Variants in HK1 observed in about 807,000 individuals in gnomAD.
The protein encoded by HK1 is hexokinase-1.
Under a neutral mutation model 91.6 loss-of-function variants are expected in HK1, and 28 were observed. That is an observed-to-expected ratio of 0.31 (90% confidence interval 0.23 to 0.42). The LOEUF (loss-of-function observed/expected upper bound fraction) is 0.42. HK1 is among the 10% of genes least tolerant of loss of function. HK1 has a pLI of 1.00. For missense variants in HK1, 770 were observed against 1,219.8 expected, an observed-to-expected ratio of 0.63 and a Z score of 5.49; for synonymous variants, 430 against 468.1, an observed-to-expected ratio of 0.92 and a Z score of 1.05.
intron 3 of HK1, chr10:69,295,567 A>G (rs1397692644): frequency 1.4e-5 from 14 of 1,030,768 alleles, no homozygotes; most frequent in Non-Finnish European, 2.0e-5. Flanking sequence ...ATAAGCATCA[A>G]TATGTTGTGA....
intron 14 of HK1, 150 bp downstream of exon 14, chr10:69,389,446 GACGAAGGCAGCAGAGTCTCT>G: frequency 3.9e-6 from 2 of 516,166 alleles, no homozygotes; most frequent in African/African-American, 2.0e-5. Context: ...TTCAGGGCTG[GACGAAGGCAGCAGAGTCTCT>G]GGCGGGGGGA....
chr10:69,324,195 C>T (rs1564512380), intron 1 of HK1, among the ~76,000 whole-genome samples: 1 of 152,178 alleles, frequency 6.6e-6, no homozygotes, highest in Non-Finnish European at 1.5e-5. Context: ...TCAATCATTT[C>T]TTTAAAAAAT....
intron 5 of HK1, among the ~76,000 whole-genome samples, chr10:69,303,563 G>T (rs1004546529): frequency 6.6e-6 from 1 of 152,176 alleles, no homozygotes; most frequent in Non-Finnish European, 1.5e-5. Flanking sequence ...CAGTAGCGGA[G>T]TCAACCCCCA....
Position 69,401,278 on chromosome 10 carries a change from A to T in HK1, c.*143A>T. ...AGGAAAGCAAAATCCAACTAATGGT[A>T]TATATTGTAGGGTACAGAATAGAGC... On this transcript the variant is annotated 3_prime_UTR_variant, in exon 18 of 18. Transcript: ENST00000359426. 5 of 861,148 alleles carry T rather than the reference A, an allele frequency of 5.8e-6. No individual in the cohort carries two copies. The highest frequency in any genetic ancestry group is 9.3e-6 in the Non-Finnish European group (5 of 535,824). The allele number at this position is 861,148 out of a possible 1,614,324, so 53.3% of individuals were successfully genotyped here. A position where few individuals can be genotyped will look rare whatever the true frequency, so the allele number is the denominator to read the frequency against.
upstream of HK1, among the ~76,000 whole-genome samples, chr10:69,314,229 G>C (rs556297785): frequency 1.8e-4 from 28 of 152,350 alleles, no homozygotes; most frequent in African/African-American, 5.5e-4. Flanking sequence ...CCCATGGAAA[G>C]CTAGGGTCTA....
chr10:69,341,027 G>A (rs868249298), intron 1 of HK1, among the ~76,000 whole-genome samples: 66 of 152,186 alleles, frequency 4.3e-4, no homozygotes, highest in Middle Eastern at 3.4e-3. Flanking sequence ...GTCTCTCCCT[G>A]CAGACCCAGG....
upstream of HK1, among the ~76,000 whole-genome samples, chr10:69,310,882 C>T (rs1333659828): frequency 6.6e-6 from 1 of 152,080 alleles, no homozygotes; most frequent in Non-Finnish European, 1.5e-5. Context: ...AATGGTGAAA[C>T]CCTGTCTCTA....
intron 1 of HK1, among the ~76,000 whole-genome samples, chr10:69,273,001 G>A (rs1589424759): frequency 1.5e-5 from 2 of 136,090 alleles, no homozygotes; most frequent in African/African-American, 2.7e-5. Context: ...CTGTGCTTCC[G>A]TTTGCATAAT....
At chr10:69,287,798 G>T (rs887198468) in intron 2 of HK1, among the ~76,000 whole-genome samples, 4 of 152,062 alleles carry the variant, frequency 2.6e-5, no homozygotes, top group Non-Finnish European at 5.9e-5. Context: ...TAAATAATGT[G>T]TACATTATAA....
At chr10:69,375,061 A>G (rs1034921726) in intron 7 of HK1, among the ~76,000 whole-genome samples, 3 of 152,128 alleles carry the variant, frequency 2.0e-5, no homozygotes, top group Non-Finnish European at 2.9e-5. Context: ...GTGGATTGCC[A>G]CTTGTTAGCC....
intron 1 of HK1, among the ~76,000 whole-genome samples, chr10:69,323,432 C>A (rs1323943266): frequency 6.6e-6 from 1 of 150,746 alleles, no homozygotes; most frequent in Non-Finnish European, 1.5e-5. Flanking sequence ...GCTCATTGAG[C>A]CCAAAAGATT....
At position 69,289,461 on chromosome 10, in the gene HK1, ATTT is replaced by A. The variant is rs67564699; in HGVS notation, c.-115+717_-115+719del. On this transcript the variant is annotated intron_variant, in intron 3 of 21. Transcript: ENST00000360289. Reference sequence around the variant, plus strand: ...GGGCTTCTGCCCATTAAAAAAAAAAATTTTTTTTTTTTTTTTTTTTTTTTTTTT... The same window carrying A: ...GGGCTTCTGCCCATTAAAAAAAAAAATTTTTTTTTTTTTTTTTTTTTTTTT... 7.3e-4 allele frequency among the ~76,000 whole-genome samples: 82 copies of A among 112,784 alleles called. No individual in the cohort carries two copies. The South Asian group carries it at 0.013, about 19-fold the overall frequency. 74.0% of individuals were successfully genotyped at this position (112,784 alleles called of 152,430 possible).
intron 3 of HK1, among the ~76,000 whole-genome samples, chr10:69,360,628 C>T (rs1380075900): frequency 1.3e-5 from 2 of 152,200 alleles, no homozygotes; most frequent in African/African-American, 4.8e-5. Context: ...TGTTGGGGCT[C>T]CCCACGCTGG....
At chr10:69,387,868 T>C (rs964254262) in intron 13 of HK1, among the ~76,000 whole-genome samples, 1 of 99,200 alleles carries the variant, frequency 1.0e-5, no homozygotes, top group Non-Finnish European at 2.0e-5. Flanking sequence ...TAAGAGACTG[T>C]TTTAAATTTT....
At chr10:69,300,393 C>A (rs1845799402) in intron 4 of HK1, 2 of 569,442 alleles carry the variant, frequency 3.5e-6, no homozygotes, top group South Asian at 1.9e-5. Flanking sequence ...GCTTTTTTTT[C>A]ATGAGGCATT....
At position 69,306,319 on chromosome 10, in the gene HK1, G is replaced by C. The variant is rs140386192; in HGVS notation, c.27+5458G>C. Among the ~76,000 whole-genome samples the C allele has an allele frequency of 3.8e-3, 580 of 151,320 alleles. 6 individuals carry two copies. Among genetic ancestry groups the C allele is most frequent in the African/African-American group, 0.013 (532 of 41,260 alleles). On this transcript the variant is annotated intron_variant, in intron 5 of 21. Coordinates refer to the HK1 transcript ENST00000360289. ...CTTGCAGTGAGCTGAGATCGCACCA[G>C]TGCACTGCAGCCCGGGCGACAGAGT...
At chr10:69,284,373 T>C (rs1200626415) in intron 2 of HK1, among the ~76,000 whole-genome samples, 1 of 152,174 alleles carries the variant, frequency 6.6e-6, no homozygotes, top group Non-Finnish European at 1.5e-5. Context: ...CAGGAAGTAT[T>C]CAATAAATGC....
At chr10:69,334,744 G>A (rs899439461) in intron 1 of HK1, among the ~76,000 whole-genome samples, 4 of 152,150 alleles carry the variant, frequency 2.6e-5, no homozygotes, top group South Asian at 2.1e-4. Flanking sequence ...TGGCACTCAC[G>A]GTCTAGCTGG....
chr10:69,334,566 G>A (rs995202059), intron 1 of HK1, among the ~76,000 whole-genome samples: 2 of 152,130 alleles, frequency 1.3e-5, no homozygotes, highest in African/African-American at 2.4e-5. Flanking sequence ...GGAAGTCTCC[G>A]GGCCTTATCT....
Sources: allele counts gnomAD v4.1 joint callset (sites outside exome capture counted in the v4.1 genomes callset), GRCh38; gene constraint gnomAD v4.1.1; transcripts MANE v1.5; gene names NCBI Gene and HGNC (gene_info 2026-07-23, HGNC 2026-07-21).